The following HS6ST3 variants were observed in gnomAD, a reference collection of about 807,000 sequenced individuals.
HS6ST3 encodes the protein heparan-sulfate 6-O-sulfotransferase 3.
Under a neutral mutation model 36.7 loss-of-function variants are expected in HS6ST3, and 12 were observed. That is an observed-to-expected ratio of 0.33 (90% CI 0.21 to 0.53). The LOEUF is 0.53. HS6ST3 is among the 20% of genes least tolerant of loss of function. The pLI is 0.95. For missense variants in HS6ST3, 584 were observed against 640.9 expected (o/e 0.91, Z 0.96); for synonymous variants, 240 against 257.5 (o/e 0.93, Z 0.65).
At chr13:96,146,600 A>T (rs911674595) in intron 1 of HS6ST3, among the ~76,000 whole-genome samples, 1 of 152,346 alleles carries the variant, frequency 6.6e-6, no homozygotes. Context: ...ATTTGGATTT[A>T]TTCAAGATAC....
chr13:96,612,954 G>T (rs1322205801), intron 1 of HS6ST3, among the ~76,000 whole-genome samples: 2 of 152,098 alleles, frequency 1.3e-5, no homozygotes, highest in Non-Finnish European at 1.5e-5. Flanking sequence ...CTTCCTCAGA[G>T]CCTTTTCACA....
chr13:96,120,935 A>G (rs1466841548), intron 1 of HS6ST3, among the ~76,000 whole-genome samples: 2 of 152,206 alleles, frequency 1.3e-5, no homozygotes, highest in African/African-American at 4.8e-5. Context: ...GAGACTGGAT[A>G]AAGTTTGGGA....
At chr13:96,781,456 G>A (rs185785072) in intron 1 of HS6ST3, among the ~76,000 whole-genome samples, 1 of 152,308 alleles carries the variant, frequency 6.6e-6, no homozygotes, top group Non-Finnish European at 1.5e-5. Context: ...CAGCTGAAGA[G>A]CCAACAACGA....
intron 1 of HS6ST3, among the ~76,000 whole-genome samples, chr13:96,711,232 C>T (rs1193936606): frequency 6.6e-6 from 1 of 152,178 alleles, no homozygotes; most frequent in Non-Finnish European, 1.5e-5. Context: ...TAACCTCTGA[C>T]CTGCCCAAAA....
At chr13:96,409,305 G>A (rs1440117131) in intron 1 of HS6ST3, among the ~76,000 whole-genome samples, 1 of 152,212 alleles carries the variant, frequency 6.6e-6, no homozygotes, top group Non-Finnish European at 1.5e-5. Flanking sequence ...CATATAGCAA[G>A]GACTAATGAA....
intron 1 of HS6ST3, among the ~76,000 whole-genome samples, chr13:96,731,682 G>A (rs1876158016): frequency 2.0e-5 from 3 of 150,758 alleles, no homozygotes; most frequent in Admixed American, 2.0e-4. Flanking sequence ...GTTTTGAGAT[G>A]GGGTCTTGCT....
chr13:96,307,609 G>A (rs1647131051), intron 1 of HS6ST3, among the ~76,000 whole-genome samples: 1 of 151,796 alleles, frequency 6.6e-6, no homozygotes, highest in Admixed American at 6.6e-5. Context: ...ATAATTTATT[G>A]TATTTTGAGT....
At chr13:96,766,640 A>T (rs770727434) in intron 1 of HS6ST3, among the ~76,000 whole-genome samples, 2 of 152,148 alleles carry the variant, frequency 1.3e-5, no homozygotes, top group Non-Finnish European at 2.9e-5. Context: ...CTCTGAGGAT[A>T]AGCTTCCTTT....
chr13:96,385,409 G>A (rs562013888), intron 1 of HS6ST3, among the ~76,000 whole-genome samples: 2 of 152,232 alleles, frequency 1.3e-5, no homozygotes, highest in East Asian at 3.9e-4. Context: ...ATAGGAACAT[G>A]TTAAAATCAC....
chr13:96,477,462 G>T (rs1443504538), intron 1 of HS6ST3, among the ~76,000 whole-genome samples: 7 of 152,158 alleles, frequency 4.6e-5, no homozygotes, highest in African/African-American at 1.7e-4. Flanking sequence ...GTAGGCTTAG[G>T]TCCTTAGTGT....
At chr13:96,366,489 A>G (rs1015916321) in intron 1 of HS6ST3, among the ~76,000 whole-genome samples, 45 of 143,764 alleles carry the variant, frequency 3.1e-4, no homozygotes, top group African/African-American at 1.1e-3. Flanking sequence ...TGTAAAAATC[A>G]TCTGGGGATC....
intron 1 of HS6ST3, among the ~76,000 whole-genome samples, chr13:96,292,871 T>A (rs2054836979): frequency 6.6e-6 from 1 of 152,136 alleles, no homozygotes; most frequent in African/African-American, 2.4e-5. Context: ...ATTTAAAACA[T>A]TTGTTAGACA....
intron 1 of HS6ST3, among the ~76,000 whole-genome samples, chr13:96,426,057 A>G (rs1488151584): frequency 2.0e-5 from 3 of 151,730 alleles, no homozygotes; most frequent in East Asian, 1.9e-4. Flanking sequence ...AAAATAGGAA[A>G]TAGCCACTTG....
intron 1 of HS6ST3, among the ~76,000 whole-genome samples, chr13:96,732,633 T>A (rs192899924): frequency 6.6e-6 from 1 of 152,278 alleles, no homozygotes; most frequent in Admixed American, 6.5e-5. Flanking sequence ...CTATTCAGGG[T>A]ATTTTTTGGT....
At chr13:96,260,716 A>G (rs2139382904) in intron 1 of HS6ST3, among the ~76,000 whole-genome samples, 1 of 148,978 alleles carries the variant, frequency 6.7e-6, no homozygotes, top group African/African-American at 2.5e-5. Flanking sequence ...CTTGGCTAAC[A>G]GTAACCTCGG....
At chr13:96,548,766 C>G (rs958656081) in intron 1 of HS6ST3, among the ~76,000 whole-genome samples, 1 of 152,196 alleles carries the variant, frequency 6.6e-6, no homozygotes, top group African/African-American at 2.4e-5. Context: ...TCAGGTCAGA[C>G]AGGCGAATTG....
At chr13:96,506,596 T>C (rs970811612) in intron 1 of HS6ST3, among the ~76,000 whole-genome samples, 1 of 152,134 alleles carries the variant, frequency 6.6e-6, no homozygotes, top group Non-Finnish European at 1.5e-5. Flanking sequence ...ACTGTTTCAG[T>C]GCTCAATGCA....
intron 1 of HS6ST3, among the ~76,000 whole-genome samples, chr13:96,189,883 C>T (rs538466726): frequency 1.3e-5 from 2 of 152,272 alleles, no homozygotes; most frequent in African/African-American, 4.8e-5. Context: ...ACCAATCACA[C>T]GGCCAATTCC....
intron 1 of HS6ST3, among the ~76,000 whole-genome samples, chr13:96,702,887 G>T (rs898712733): frequency 1.3e-5 from 2 of 152,184 alleles, no homozygotes; most frequent in Non-Finnish European, 2.9e-5. Flanking sequence ...AATTTCCGAA[G>T]CAGGAATGAT....
Sources: gnomAD v4.1 joint callset for allele counts (sites outside exome capture counted in the v4.1 genomes callset) on GRCh38, gnomAD v4.1.1 for gene constraint, MANE v1.5 for transcripts, NCBI Gene and HGNC (gene_info 2026-07-23, HGNC 2026-07-21) for gene names.